Variants in MGMT observed in about 807,000 individuals in gnomAD.
MGMT encodes O-6-methylguanine-DNA methyltransferase, also known as methylated-DNA--protein-cysteine methyltransferase.
A neutral mutation model predicts 15.9 loss-of-function variants in MGMT; 14 were observed. The observed-to-expected ratio is 0.88, with a 90% CI of 0.58 to 1.37. MGMT has a LOEUF of 1.37. Ranked by LOEUF, MGMT falls within the 40% of genes most tolerant of loss-of-function variation. MGMT has a pLI of 0.00. For synonymous variants in MGMT, 130 were observed against 118.2 expected (o/e 1.10, Z -0.65); for missense variants, 282 against 268.1 (o/e 1.05, Z -0.36).
intron 2 of MGMT, among the ~76,000 whole-genome samples, chr10:129,555,268 G>C (rs570883): frequency 1 from 151,739 of 152,322 alleles, 75,581 homozygotes; most frequent in Middle Eastern, 1. Context: ...GCCTGAGCCT[G>C]TCCAGCACTT....
At chr10:129,544,936 G>A (rs975913649) in intron 2 of MGMT, among the ~76,000 whole-genome samples, 3 of 152,184 alleles carry the variant, frequency 2.0e-5, no homozygotes, top group Non-Finnish European at 2.9e-5. Flanking sequence ...AAGAGGCGGC[G>A]TGGCCAGGGG....
At chr10:129,765,094 G>A (rs774803055) in intron 4 of MGMT, among the ~76,000 whole-genome samples, 2 of 151,932 alleles carry the variant, frequency 1.3e-5, no homozygotes, top group South Asian at 4.2e-4. Context: ...CCTTCTTCAC[G>A]GAGCAGCCAC....
At chr10:129,591,349 A>ATTTCTT (rs1846683284) in intron 2 of MGMT, among the ~76,000 whole-genome samples, 1 of 152,098 alleles carries the variant, frequency 6.6e-6, no homozygotes, top group Non-Finnish European at 1.5e-5. Flanking sequence ...GCTGTGGTCC[A>ATTTCTT]CTCGTGCGGG....
At chr10:129,692,442 C>T (rs570814754) in intron 2 of MGMT, among the ~76,000 whole-genome samples, 1 of 152,178 alleles carries the variant, frequency 6.6e-6, no homozygotes, top group Admixed American at 6.5e-5. Flanking sequence ...TATTCAGCTC[C>T]GTTGCTTTCT....
At chr10:129,520,475 G>A (rs36079401) in intron 1 of MGMT, among the ~76,000 whole-genome samples, 36,556 of 151,026 alleles carry the variant, frequency 0.24, 5,182 homozygotes, top group African/African-American at 0.41. Context: ...TGCATGTACA[G>A]AGCCCCTATG....
intron 2 of MGMT, among the ~76,000 whole-genome samples, chr10:129,686,685 G>A (rs1847908061): frequency 6.6e-6 from 1 of 152,114 alleles, no homozygotes; most frequent in African/African-American, 2.4e-5. Flanking sequence ...TTTTAAATGA[G>A]GATTTCTCCA....
chr10:129,672,425 G>A (rs952931511), intron 2 of MGMT, among the ~76,000 whole-genome samples: 14 of 152,162 alleles, frequency 9.2e-5, no homozygotes, highest in Non-Finnish European at 2.9e-5. Flanking sequence ...TACTTCTTCA[G>A]AGGTTATTTT....
At chr10:129,548,968 C>A (rs777712628) in intron 2 of MGMT, among the ~76,000 whole-genome samples, 1 of 152,174 alleles carries the variant, frequency 6.6e-6, no homozygotes, top group Non-Finnish European at 1.5e-5. Context: ...TAGAAGTTAC[C>A]CTGTGGTGGC....
chr10:129,553,635 C>G (rs1158692987), intron 2 of MGMT, among the ~76,000 whole-genome samples: 2 of 152,196 alleles, frequency 1.3e-5, no homozygotes, highest in Non-Finnish European at 2.9e-5. Flanking sequence ...AAACCACAAC[C>G]TGGCCTCAAG....
chr10:129,619,830 T>C (rs1187111608), intron 2 of MGMT, among the ~76,000 whole-genome samples: 1 of 152,242 alleles, frequency 6.6e-6, no homozygotes, highest in Non-Finnish European at 1.5e-5. Context: ...CTGCCCTTTT[T>C]TCCATTCCTG....
At chr10:129,721,052 C>T (rs531261402) in intron 3 of MGMT, among the ~76,000 whole-genome samples, 2 of 152,240 alleles carry the variant, frequency 1.3e-5, no homozygotes, top group Admixed American at 6.5e-5. Flanking sequence ...TCGTTGAGCA[C>T]ATTGATGGCA....
chr10:129,484,653 T>G (rs1220444113), intron 1 of MGMT, among the ~76,000 whole-genome samples: 1 of 152,192 alleles, frequency 6.6e-6, no homozygotes, highest in Non-Finnish European at 1.5e-5. Context: ...CTCATGTGTG[T>G]GTGTTTTAAA....
At chr10:129,695,665 C>A (rs1436972824) in intron 2 of MGMT, among the ~76,000 whole-genome samples, 1 of 152,178 alleles carries the variant, frequency 6.6e-6, no homozygotes, top group Admixed American at 6.5e-5. Flanking sequence ...TACATCTTAG[C>A]CCTGTTGGTA....
At chr10:129,633,055 C>T (rs889858644) in intron 2 of MGMT, among the ~76,000 whole-genome samples, 4 of 151,872 alleles carry the variant, frequency 2.6e-5, no homozygotes, top group South Asian at 2.1e-4. Flanking sequence ...AAGGATGGGC[C>T]GGAAATGGGG....
At chr10:129,551,020 G>A (rs989432233) in intron 2 of MGMT, among the ~76,000 whole-genome samples, 1 of 152,132 alleles carries the variant, frequency 6.6e-6, no homozygotes, top group African/African-American at 2.4e-5. Flanking sequence ...TTTCGGGTAG[G>A]GCCCTGGGTC....
chr10:129,642,553 T>C lies in MGMT; in HGVS notation c.126-65342T>C, dbSNP rs1401248154. On this transcript the variant is annotated intron_variant, in intron 2 of 4. Transcript: ENST00000651593. ...TTTTAACTACCCTGGTGTGACCTTATGTGACCCTGTGTGAGTCAACATGTC... is the reference window on the plus strand; with the variant it reads ...TTTTAACTACCCTGGTGTGACCTTACGTGACCCTGTGTGAGTCAACATGTC... Among the ~76,000 whole-genome samples, 3 of 152,340 alleles carry C rather than the reference T, an allele frequency of 2.0e-5. No individual in the cohort carries two copies. The East Asian group carries it at 5.8e-4, about 29-fold the overall frequency.
At chr10:129,497,898 G>A (rs761884049) in intron 1 of MGMT, among the ~76,000 whole-genome samples, 7 of 152,180 alleles carry the variant, frequency 4.6e-5, no homozygotes, top group Non-Finnish European at 8.8e-5. Context: ...GGGCTCTGGC[G>A]GCACCTTGAT....
chr10:129,732,241 G>A (rs543934254), intron 3 of MGMT, among the ~76,000 whole-genome samples: 48 of 152,110 alleles, frequency 3.2e-4, no homozygotes, highest in African/African-American at 1.1e-3. Context: ...TGCTATGTTG[G>A]TGTGCTGCAC....
At chr10:129,727,778 G>T (rs1848449913) in intron 3 of MGMT, among the ~76,000 whole-genome samples, 2 of 152,200 alleles carry the variant, frequency 1.3e-5, no homozygotes, top group African/African-American at 4.8e-5. Context: ...TATATGAGGA[G>T]CCCCGGGTAA....
Sources: gnomAD v4.1 joint callset for allele counts (sites outside exome capture counted in the v4.1 genomes callset) on GRCh38, gnomAD v4.1.1 for gene constraint, MANE v1.5 for transcripts, NCBI Gene and HGNC (gene_info 2026-07-23, HGNC 2026-07-21) for gene names.